The following SCN11A variants were observed in gnomAD, a reference collection of about 807,000 sequenced individuals.
SCN11A encodes sodium channel protein type 11 subunit alpha.
Under a neutral mutation model 162.2 loss-of-function variants are expected in SCN11A, and 122 were observed. The observed-to-expected ratio is 0.75, with a 90% CI of 0.65 to 0.87. The LOEUF is 0.87. Ranked by LOEUF, SCN11A falls within the 40% of genes least tolerant of loss-of-function variation. The pLI, the probability that SCN11A is intolerant of heterozygous loss-of-function variation, is 0.00. For synonymous variants in SCN11A, 758 were observed against 751.5 expected (o/e 1.01, Z -0.14); for missense variants, 2,015 against 2,181.6 (o/e 0.92, Z 1.52).
intron 7 of SCN11A, among the ~76,000 whole-genome samples, chr3:38,929,136 C>CGCGT (rs113467940): frequency 2.8e-4 from 14 of 49,194 alleles, no homozygotes; most frequent in African/African-American, 6.3e-4. Context: ...TCTGTGCACG[C>CGCGT]ACACACACAC....
chr3:38,871,756 A>G (rs368279176), intron 24 of SCN11A, 48 bp from the exon 25 acceptor site: 80 of 1,500,732 alleles, frequency 5.3e-5, no homozygotes, highest in Non-Finnish European at 6.6e-5. Context: ...GGTAGGATGC[A>G]CCAGGCTCTT....
chr3:38,976,650 G>T (rs976867343), intron 2 of SCN11A, among the ~76,000 whole-genome samples: 3 of 152,120 alleles, frequency 2.0e-5, no homozygotes, highest in Non-Finnish European at 4.4e-5. Flanking sequence ...TTGGATAAGG[G>T]ATACTAAACC....
intron 7 of SCN11A, among the ~76,000 whole-genome samples, 178 bp from the exon 8 acceptor site, chr3:38,927,109 G>A (rs1371888374): frequency 6.6e-6 from 1 of 152,070 alleles, no homozygotes; most frequent in Non-Finnish European, 1.5e-5. Context: ...CTGGTATTTA[G>A]AATTTCAGAG....
At chr3:38,968,741 T>G (rs2066799053) in intron 2 of SCN11A, among the ~76,000 whole-genome samples, 1 of 152,182 alleles carries the variant, frequency 6.6e-6, no homozygotes, top group Non-Finnish European at 1.5e-5. Flanking sequence ...AAGCCTACCT[T>G]GTTCTGCCAC....
intron 2 of SCN11A, among the ~76,000 whole-genome samples, chr3:38,992,216 A>G (rs1420231424): frequency 6.6e-6 from 1 of 152,174 alleles, no homozygotes; most frequent in Non-Finnish European, 1.5e-5. Context: ...CATTCCACCT[A>G]TATTCTAACA....
chr3:39,004,327 T>C (rs929007803), intron 2 of SCN11A, among the ~76,000 whole-genome samples: 2 of 152,158 alleles, frequency 1.3e-5, no homozygotes, highest in Non-Finnish European at 2.9e-5. Context: ...AAACAGATTG[T>C]TGTAGGTGTG....
chr3:38,958,650 T>C (rs2066711045), intron 3 of SCN11A, among the ~76,000 whole-genome samples: 2 of 152,244 alleles, frequency 1.3e-5, no homozygotes, highest in African/African-American at 4.8e-5. Flanking sequence ...AGTGTATCTC[T>C]TTGCAGTAGT....
intron 2 of SCN11A, among the ~76,000 whole-genome samples, chr3:38,995,441 A>C (rs1217104099): frequency 1.3e-5 from 2 of 152,164 alleles, no homozygotes; most frequent in African/African-American, 4.8e-5. Flanking sequence ...TTTAAGAAGA[A>C]ATGTGAATGG....
At chr3:38,880,236 G>T in intron 22 of SCN11A, 113 bp from the exon 23 acceptor site, 1 of 688,306 alleles carries the variant, frequency 1.5e-6, no homozygotes, top group Non-Finnish European at 2.4e-6. Flanking sequence ...ATCTCTCTTC[G>T]TAATGAGGTT....
intron 2 of SCN11A, among the ~76,000 whole-genome samples, chr3:38,979,401 G>C (rs531980300): frequency 6.6e-6 from 1 of 152,260 alleles, no homozygotes; most frequent in African/African-American, 2.4e-5. Context: ...TTTGACCAAG[G>C]AGGCACAGCT....
chr3:39,051,728 G>A (rs1196147109), intron 1 of SCN11A, among the ~76,000 whole-genome samples, 133 bp downstream of exon 1: 2 of 152,010 alleles, frequency 1.3e-5, no homozygotes, highest in African/African-American at 2.4e-5. Context: ...TCTCGGGGAG[G>A]GCGCGGAAAA....
At chr3:39,044,369 C>G (rs1024738724) in intron 1 of SCN11A, among the ~76,000 whole-genome samples, 1 of 152,152 alleles carries the variant, frequency 6.6e-6, no homozygotes, top group Admixed American at 6.5e-5. Flanking sequence ...GCAGAATACA[C>G]ATTCTTTTCA....
chr3:38,907,872 A>T, intron 14 of SCN11A, 77 bp downstream of exon 14: 2 of 1,243,466 alleles, frequency 1.6e-6, no homozygotes, highest in Non-Finnish European at 2.2e-6. Flanking sequence ...TAAATGAATT[A>T]TTTCAATTTG....
chr3:39,031,584 A>C (rs1246049210), intron 2 of SCN11A, among the ~76,000 whole-genome samples: 1 of 152,006 alleles, frequency 6.6e-6, no homozygotes, highest in Non-Finnish European at 1.5e-5. Flanking sequence ...AGAAAAAGAA[A>C]GATAAAATGG....
At chr3:38,928,634 G>A (rs2066181601) in intron 7 of SCN11A, among the ~76,000 whole-genome samples, 1 of 152,148 alleles carries the variant, frequency 6.6e-6, no homozygotes, top group Non-Finnish European at 1.5e-5. Flanking sequence ...GATTTGAATA[G>A]ATATTTCTCC....
At chr3:38,955,666 T>C (rs375308757) in intron 3 of SCN11A, among the ~76,000 whole-genome samples, 6 of 152,296 alleles carry the variant, frequency 3.9e-5, no homozygotes, top group African/African-American at 1.4e-4. Flanking sequence ...AGAAAATTGA[T>C]CAAAGAATTA....
intron 2 of SCN11A, among the ~76,000 whole-genome samples, chr3:38,998,279 G>C (rs571547766): frequency 1.3e-5 from 2 of 152,302 alleles, no homozygotes; most frequent in South Asian, 4.1e-4. Context: ...CAGCATTTCT[G>C]TGATTTAAGT....
At chr3:39,000,972 G>A (rs557967776) in intron 2 of SCN11A, among the ~76,000 whole-genome samples, 1 of 152,182 alleles carries the variant, frequency 6.6e-6, no homozygotes, top group Non-Finnish European at 1.5e-5. Flanking sequence ...GGGAGGCAGA[G>A]GTTGCAGTGA....
chr3:38,927,033 T>C, intron 7 of SCN11A, 102 bp from the exon 8 acceptor site: 14 of 1,155,466 alleles, frequency 1.2e-5, no homozygotes, highest in Non-Finnish European at 1.5e-5. Flanking sequence ...TCCATTTCAA[T>C]GTGACATTTA....
Sources: gnomAD v4.1 joint callset for allele counts (sites outside exome capture counted in the v4.1 genomes callset) on GRCh38, gnomAD v4.1.1 for gene constraint, MANE v1.5 for transcripts, NCBI Gene and HGNC (gene_info 2026-07-23, HGNC 2026-07-21) for gene names.